Variants in PTPRT observed in about 807,000 individuals in gnomAD.
PTPRT encodes protein tyrosine phosphatase receptor type T, also known as receptor-type tyrosine-protein phosphatase T.
A neutral mutation model predicts 176.8 loss-of-function variants in PTPRT; 56 were observed. That is an observed-to-expected ratio of 0.32 (90% CI 0.26 to 0.40). PTPRT has a LOEUF of 0.40. Ranked by LOEUF, PTPRT falls within the 10% of genes least tolerant of loss-of-function variation. PTPRT has a pLI of 1.00. For synonymous variants in PTPRT, 783 were observed against 739.0 expected (o/e 1.06, Z -0.96); for missense variants, 1,540 against 1,908.2 (o/e 0.81, Z 3.60).
chr20:42,703,431 T>A (rs1390786510), intron 6 of PTPRT, among the ~76,000 whole-genome samples: 1 of 152,042 alleles, frequency 6.6e-6, no homozygotes, highest in Non-Finnish European at 1.5e-5. Context: ...AAGAGAAAAG[T>A]AAAGAAAGAG....
chr20:42,756,478 C>G lies in PTPRT; in HGVS notation c.843G>C (p.Ala281=), dbSNP rs750555200. Reference sequence around the variant, plus strand: ...GGCACTCACCTTTCACGATCAGCTCCGCGTAGTTGGACACACCAGACCCAC... The same window carrying G: ...GGCACTCACCTTTCACGATCAGCTCGGCGTAGTTGGACACACCAGACCCAC... ...SDGGSGVSNY[A]ELIVKEPPTP... is the part of the protein sequence containing the mutation. Residue 281 remains alanine (A), a synonymous_variant, in exon 6 of 31, where the codon GCG becomes GCC. Transcript: ENST00000373187. 6.3e-7 allele frequency: 1 copy of G among 1,581,010 alleles called. No individual in the cohort carries two copies. Among genetic ancestry groups the G allele is most frequent in the African/African-American group, 1.3e-5 (1 of 74,140 alleles).
At chr20:42,731,375 T>C (rs143155066) in intron 6 of PTPRT, among the ~76,000 whole-genome samples, 3,077 of 152,286 alleles carry the variant, frequency 0.02, 38 homozygotes, top group Non-Finnish European at 0.031. Flanking sequence ...GAATCTTAAT[T>C]ACCGAGCAGG....
At chr20:42,246,121 G>A (rs1371489826) in intron 14 of PTPRT, among the ~76,000 whole-genome samples, 3 of 152,134 alleles carry the variant, frequency 2.0e-5, no homozygotes, top group Non-Finnish European at 4.4e-5. Flanking sequence ...GTTGGTAGCA[G>A]ACTCAATTGA....
chr20:42,991,068 A>G (rs945109591), intron 1 of PTPRT, among the ~76,000 whole-genome samples: 1 of 152,198 alleles, frequency 6.6e-6, no homozygotes, highest in African/African-American at 2.4e-5. Flanking sequence ...CAGGAGAGAA[A>G]GCGGGCGGAA....
At chr20:42,784,086 C>G (rs1023858474) in intron 3 of PTPRT, among the ~76,000 whole-genome samples, 3 of 152,122 alleles carry the variant, frequency 2.0e-5, no homozygotes, top group African/African-American at 7.2e-5. Context: ...CCTCCTGGTG[C>G]GGGTGTTGAA....
Position 42,104,799 on chromosome 20 carries a change from G to A in PTPRT, c.3391-81C>T. On this transcript the variant is annotated intron_variant, in intron 24 of 30. Coordinates refer to ENST00000373187, the MANE Select transcript of PTPRT (RefSeq NM_007050.6). ...TTAGCTGTCCACATTTAGTGTTGTGGCTATGAAGAATAGACATGATTTATC... is the reference window on the plus strand; with the variant it reads ...TTAGCTGTCCACATTTAGTGTTGTGACTATGAAGAATAGACATGATTTATC... 7.8e-6 allele frequency: 11 copies of A among 1,402,610 alleles called. No homozygotes were observed. The South Asian group carries it at 1.2e-4, about 15-fold the overall frequency. 86.9% of individuals were successfully genotyped at this position (1,402,610 alleles called of 1,614,324 possible).
chr20:42,201,820 C>T (rs1294163351), intron 15 of PTPRT, among the ~76,000 whole-genome samples: 1 of 150,124 alleles, frequency 6.7e-6, no homozygotes, highest in Admixed American at 6.6e-5. Flanking sequence ...CTGAACCCAA[C>T]AAGTCAGAAG....
At chr20:42,538,719 G>A (rs2072520382) in intron 7 of PTPRT, among the ~76,000 whole-genome samples, 1 of 152,158 alleles carries the variant, frequency 6.6e-6, no homozygotes, top group Non-Finnish European at 1.5e-5. Flanking sequence ...AGTATGTTGT[G>A]CATTAGACAA....
intron 9 of PTPRT, among the ~76,000 whole-genome samples, chr20:42,438,905 A>G (rs183728242): frequency 1.6e-3 from 243 of 152,350 alleles, no homozygotes; most frequent in South Asian, 5.0e-3. Context: ...ATACAGAGGC[A>G]ATCCTAATAT....
intron 7 of PTPRT, among the ~76,000 whole-genome samples, chr20:42,608,582 G>A (rs994031687): frequency 6.6e-6 from 1 of 152,146 alleles, no homozygotes; most frequent in Non-Finnish European, 1.5e-5. Context: ...ATATCAAATG[G>A]GAAGACTGGA....
intron 1 of PTPRT, among the ~76,000 whole-genome samples, chr20:42,960,143 G>A (rs1981905129): frequency 6.6e-6 from 1 of 152,156 alleles, no homozygotes; most frequent in African/African-American, 2.4e-5. Context: ...TCACCAACTA[G>A]ATCATATGTC....
intron 9 of PTPRT, among the ~76,000 whole-genome samples, chr20:42,411,964 C>T (rs2059023507): frequency 6.6e-6 from 1 of 152,146 alleles, no homozygotes; most frequent in South Asian, 2.1e-4. Context: ...TAATAATCAA[C>T]TCAGAACATA....
At chr20:42,786,478 G>C (rs1746833062) in intron 3 of PTPRT, among the ~76,000 whole-genome samples, 1 of 152,184 alleles carries the variant, frequency 6.6e-6, no homozygotes, top group Non-Finnish European at 1.5e-5. Flanking sequence ...ATGGATCATG[G>C]GGACTTGAAT....
Position 42,820,413 on chromosome 20 carries a change from AAAGCAGTGTT to A in PTPRT, c.215-28957_215-28948del, listed in dbSNP as rs200552525. Among the ~76,000 whole-genome samples, 877 of 152,282 alleles carry A rather than the reference AAAGCAGTGTT, an allele frequency of 5.8e-3. 4 individuals are homozygous for A. The highest frequency in any genetic ancestry group is 0.048 in the Middle Eastern group (14 of 292). ...ATGCCAGAATCTCTGGGACACAGCT[AAAGCAGTGTT>A]AAGAGGGAAATTTATAGCACTAAAT... On this transcript the variant is annotated intron_variant, in intron 2 of 30. Coordinates refer to ENST00000373187, the MANE Select transcript of PTPRT (RefSeq NM_007050.6).
intron 27 of PTPRT, among the ~76,000 whole-genome samples, chr20:42,087,022 G>A (rs938484127): frequency 7.3e-5 from 11 of 151,472 alleles, no homozygotes; most frequent in Non-Finnish European, 1.5e-4. Flanking sequence ...CTCAGTCTGA[G>A]ACTGTTTTGT....
intron 2 of PTPRT, among the ~76,000 whole-genome samples, chr20:42,794,129 C>A (rs188477474): frequency 1.8e-4 from 28 of 152,292 alleles, no homozygotes; most frequent in Middle Eastern, 6.8e-3. Flanking sequence ...GTAGAGATTG[C>A]CCTGTTCCAT....
chr20:42,228,966 G>A (rs1600703575), intron 15 of PTPRT, among the ~76,000 whole-genome samples: 1 of 152,172 alleles, frequency 6.6e-6, no homozygotes, highest in Admixed American at 6.5e-5. Flanking sequence ...CCAGCGCTAT[G>A]GATATGGTCC....
intron 1 of PTPRT, among the ~76,000 whole-genome samples, chr20:42,886,659 C>A (rs574453989): frequency 6.6e-6 from 1 of 152,312 alleles, no homozygotes; most frequent in East Asian, 1.9e-4. Flanking sequence ...AAGGTCAAGC[C>A]ATCCACCATT....
intron 2 of PTPRT, among the ~76,000 whole-genome samples, chr20:42,794,106 G>A (rs902841112): frequency 2.6e-5 from 4 of 152,188 alleles, no homozygotes; most frequent in Non-Finnish European, 5.9e-5. Context: ...AGCAGGGCAG[G>A]CTCGCTGAGG....
Sources: allele counts gnomAD v4.1 joint callset (sites outside exome capture counted in the v4.1 genomes callset), GRCh38; gene constraint gnomAD v4.1.1; transcripts MANE v1.5; gene names NCBI Gene and HGNC (gene_info 2026-07-23, HGNC 2026-07-21).